CNTNAP2: variants seen among roughly 807,000 people sequenced by gnomAD.
CNTNAP2 encodes the protein contactin-associated protein-like 2.
In CNTNAP2, 98 loss-of-function variants were observed where a neutral mutation model predicts 155.2. The observed-to-expected ratio is 0.63, with a 90% CI of 0.54 to 0.75. The LOEUF (loss-of-function observed/expected upper bound fraction) is 0.75, where lower values mean the gene tolerates loss of function less well. Among genes scored for constraint, CNTNAP2 ranks in the 30% least tolerant of loss-of-function variants. CNTNAP2 has a pLI of 0.00. For missense variants in CNTNAP2, 1,727 were observed against 1,688.1 expected (o/e 1.02, Z -0.40); for synonymous variants, 651 against 631.2 (o/e 1.03, Z -0.47).
chr7:147,021,705 A>G (rs1450559109), intron 3 of CNTNAP2, among the ~76,000 whole-genome samples: 1 of 152,212 alleles, frequency 6.6e-6, no homozygotes. Context: ...CAAATATTCA[A>G]CAAACTTAAT....
intron 14 of CNTNAP2, among the ~76,000 whole-genome samples, chr7:147,904,309 G>C (rs1861010): frequency 0.63 from 96,338 of 152,078 alleles, 30,670 homozygotes; most frequent in Middle Eastern, 0.75. Flanking sequence ...GGGTTTCTTC[G>C]ATCCCTTTGC....
chr7:146,720,964 AGTATATATATAGACTATATATACT>A (rs1320436135), intron 1 of CNTNAP2, among the ~76,000 whole-genome samples: 8 of 110,156 alleles, frequency 7.3e-5, no homozygotes, highest in Non-Finnish European at 1.3e-4. Flanking sequence ...ATATATATAC[AGTATATATATAGACTATATATACT>A]GTATATATAT....
chr7:146,121,119 C>CTTTTTTTTTTTTTTTTTTTT (rs745449281), intron 1 of CNTNAP2, among the ~76,000 whole-genome samples: 5 of 65,762 alleles, frequency 7.6e-5, no homozygotes, highest in Non-Finnish European at 1.4e-4. Context: ...ATAAAGCTTC[C>CTTTTTTTTTTTTTTTTTTTT]TTTTTTTTTT....
chr7:146,589,686 G>A lies in CNTNAP2; in HGVS notation c.98-184585G>A, dbSNP rs559058316. On this transcript the variant is annotated intron_variant, in intron 1 of 23. Coordinates refer to ENST00000361727, the MANE Select transcript of CNTNAP2 (RefSeq NM_014141.6). ...TGAGTGCAGCAAACCACCATGGCACGTGTATACTTATGTAACAAACCTGCA... is the reference window on the plus strand; with the variant it reads ...TGAGTGCAGCAAACCACCATGGCACATGTATACTTATGTAACAAACCTGCA... 2.4e-4 allele frequency among the ~76,000 whole-genome samples: 36 copies of A among 151,628 alleles called. No individual in the cohort carries two copies. In the South Asian group the frequency reaches 4.8e-3, roughly 20 times the overall value.
At chr7:148,400,825 C>T (rs547369233) in intron 22 of CNTNAP2, among the ~76,000 whole-genome samples, 10 of 152,092 alleles carry the variant, frequency 6.6e-5, no homozygotes, top group Middle Eastern at 3.4e-3. Context: ...ACTAAAAATA[C>T]AAAAATTAGC....
rs146131138 is a variant in CNTNAP2 at position 147,389,408 on chromosome 7, G to A, written c.1499-6201G>A. The stretch of plus-strand genomic sequence containing the variant: ...CAATTTTTCAACCTTGTTGTCCACC[G>A]TTTGCTTTTTCTGTCCCATCAGATG... On this transcript the variant is annotated intron_variant, in intron 9 of 23. Transcript: ENST00000361727. 3.7e-4 allele frequency among the ~76,000 whole-genome samples: 56 copies of A among 152,192 alleles called. 1 individual carries two copies. The highest frequency in any genetic ancestry group is 1.2e-3 in the African/African-American group (48 of 41,540).
intron 1 of CNTNAP2, among the ~76,000 whole-genome samples, chr7:146,627,480 T>C (rs971256499): frequency 3.3e-5 from 5 of 152,242 alleles, no homozygotes; most frequent in Non-Finnish European, 5.9e-5. Flanking sequence ...AAAGAATGAG[T>C]AAAATCCCAA....
intron 1 of CNTNAP2, among the ~76,000 whole-genome samples, chr7:146,296,958 C>T (rs576897076): frequency 6.7e-6 from 1 of 149,286 alleles, no homozygotes; most frequent in Non-Finnish European, 1.5e-5. Context: ...CAGGTATTAT[C>T]TGTGTGTGTG....
chr7:148,042,834 TAA>T (rs1266676298), intron 15 of CNTNAP2, among the ~76,000 whole-genome samples: 2 of 152,174 alleles, frequency 1.3e-5, no homozygotes, highest in African/African-American at 4.8e-5. Context: ...GAAAAATGCT[TAA>T]AACCCCACCT....
At chr7:148,196,403 G>A (rs1187535104) in intron 18 of CNTNAP2, among the ~76,000 whole-genome samples, 1 of 152,156 alleles carries the variant, frequency 6.6e-6, no homozygotes, top group South Asian at 2.1e-4. Flanking sequence ...GAACTGGGGG[G>A]ATCTGGGTCC....
At chr7:146,397,824 A>G (rs763351196) in intron 1 of CNTNAP2, among the ~76,000 whole-genome samples, 1 of 151,778 alleles carries the variant, frequency 6.6e-6, no homozygotes, top group Non-Finnish European at 1.5e-5. Flanking sequence ...AAGATATTTT[A>G]TGTAGAACTA....
intron 10 of CNTNAP2, among the ~76,000 whole-genome samples, chr7:147,404,610 T>C (rs10232280): frequency 0.16 from 24,279 of 152,162 alleles, 2,049 homozygotes; most frequent in Non-Finnish European, 0.17. Flanking sequence ...ATCTGACTTA[T>C]TCATAATATT....
rs58095199 is a variant in CNTNAP2 at position 148,298,985 on chromosome 7, CT to C, written c.3475+31872del. Among the ~76,000 whole-genome samples the C allele has an allele frequency of 4.7e-3, 680 of 145,536 alleles. 1 individual carries two copies. Among genetic ancestry groups the C allele is most frequent in the Middle Eastern group, 0.029 (8 of 274 alleles). ...AAAGTAAGTCATGGCACCTGGCCAACTTTTTTTTTTTTTCTTTTTTTTTGAG... is the reference window on the plus strand; with the variant it reads ...AAAGTAAGTCATGGCACCTGGCCAACTTTTTTTTTTTTCTTTTTTTTTGAG... On this transcript the variant is annotated intron_variant, in intron 21 of 23. Coordinates refer to ENST00000361727, the MANE Select transcript of CNTNAP2 (RefSeq NM_014141.6).
intron 1 of CNTNAP2, among the ~76,000 whole-genome samples, chr7:146,333,465 G>A (rs1209618961): frequency 6.6e-6 from 1 of 151,930 alleles, no homozygotes; most frequent in Admixed American, 6.6e-5. Flanking sequence ...TCTCATGCCC[G>A]GAAAAAAAGT....
Position 147,044,017 on chromosome 7 carries a change from C to T in CNTNAP2, c.513C>T (p.Arg171=). Residue 171 remains arginine (R), a synonymous_variant, in exon 4 of 24, where the codon CGC becomes CGT. Coordinates refer to ENST00000361727, the MANE Select transcript of CNTNAP2 (RefSeq NM_014141.6). ...CTCTGGATTGGAATGGAGAAGGTCG[C>T]ATTGGACTCAGAATTGAAGTTTATG... ...IVPLDWNGEG[R]IGLRIEVYGC... 1 of 1,614,116 alleles carries T rather than the reference C, an allele frequency of 6.2e-7. No homozygotes were observed. Among genetic ancestry groups the T allele is most frequent in the African/African-American group, 1.3e-5 (1 of 75,040 alleles).
At chr7:146,185,979 A>T (rs190587413) in intron 1 of CNTNAP2, among the ~76,000 whole-genome samples, 1 of 152,090 alleles carries the variant, frequency 6.6e-6, no homozygotes, top group Admixed American at 6.6e-5. Context: ...TATGTAATGT[A>T]TCATACCGAG....
intron 14 of CNTNAP2, among the ~76,000 whole-genome samples, chr7:147,925,204 A>ATGG (rs1800369792): frequency 6.7e-6 from 1 of 149,652 alleles, no homozygotes; most frequent in Non-Finnish European, 1.5e-5. Context: ...GGAAGGAAGG[A>ATGG]AGGAAAGAAG....
chr7:148,411,407 A>C (rs1327461850), intron 23 of CNTNAP2, among the ~76,000 whole-genome samples: 1 of 152,158 alleles, frequency 6.6e-6, no homozygotes, highest in East Asian at 1.9e-4. Context: ...CTGGAACTAC[A>C]GGCACGCATC....
At chr7:147,197,513 T>G (rs1802831674) in intron 8 of CNTNAP2, among the ~76,000 whole-genome samples, 1 of 152,168 alleles carries the variant, frequency 6.6e-6, no homozygotes, top group South Asian at 2.1e-4. Flanking sequence ...AGAGCTATCG[T>G]TAATAATATA....
Sources: gnomAD v4.1 joint callset for allele counts (sites outside exome capture counted in the v4.1 genomes callset) on GRCh38, gnomAD v4.1.1 for gene constraint, MANE v1.5 for transcripts, NCBI Gene and HGNC (gene_info 2026-07-23, HGNC 2026-07-21) for gene names.